Variants in SEC13 observed in about 807,000 individuals in gnomAD.
The protein encoded by SEC13 is SEC13 homolog, nuclear pore and COPII component.
Under a neutral mutation model 49.2 loss-of-function variants are expected in SEC13, and 25 were observed. That is an observed-to-expected ratio of 0.51 (90% CI 0.37 to 0.71). The LOEUF is 0.71. Ranked by LOEUF, SEC13 falls within the 30% of genes least tolerant of loss-of-function variation. SEC13 has a pLI of 0.00. For missense variants in SEC13, 383 were observed against 417.6 expected, an observed-to-expected ratio of 0.92 and a Z score of 0.72; for synonymous variants, 148 against 163.9, an observed-to-expected ratio of 0.90 and a Z score of 0.74.
chr3:10,305,965 C>T, intron 5 of SEC13: 1 of 309,258 alleles, frequency 3.2e-6, no homozygotes, highest in East Asian at 5.2e-5. Flanking sequence ...AAGAATGGTA[C>T]ATTGGAGCTT....
Position 10,313,537 on chromosome 3 carries a change from G to A in SEC13, c.165-807C>T, listed in dbSNP as rs1183879123. 1.1e-5 allele frequency: 5 copies of A among 435,720 alleles called. No homozygotes were observed. In the East Asian group the frequency reaches 2.9e-4, roughly 25 times the overall value. The allele number at this position is 435,720 out of a possible 1,614,324, so 27.0% of individuals were successfully genotyped here. ...CACTCAATACCCATTAGCTATTAGT[G>A]CTGCTCCTGGTTTACTCCTTCACCG... On this transcript the variant is annotated intron_variant, in intron 3 of 8. Coordinates refer to ENST00000350697, the MANE Select transcript of SEC13 (RefSeq NM_183352.3).
chr3:10,304,992 C>T lies in SEC13; in HGVS notation c.708+41G>A, dbSNP rs576018895. 14 of 1,613,108 alleles carry T rather than the reference C, an allele frequency of 8.7e-6. No homozygotes were observed. The highest frequency in any genetic ancestry group is 8.0e-5 in the African/African-American group (6 of 75,006). ...AGACTAAGAGCTGATGGGCCTGACT[C>T]GAGACTAAATGACAAGGGATACTCA... On this transcript the variant is annotated intron_variant, in intron 7 of 8. Coordinates refer to ENST00000350697, the MANE Select transcript of SEC13 (RefSeq NM_183352.3).
Position 10,321,012 on chromosome 3 carries a change from C to A in SEC13, c.3+38G>T. 2 of 1,609,876 alleles carry A rather than the reference C, an allele frequency of 1.2e-6. No homozygotes were observed. The highest frequency in any genetic ancestry group is 1.7e-6 in the Non-Finnish European group (2 of 1,178,546). On this transcript the variant is annotated intron_variant, in intron 1 of 8. Coordinates refer to ENST00000350697, the MANE Select transcript of SEC13 (RefSeq NM_183352.3). The surrounding 1 kb of genome is among the most constrained non-coding windows in gnomAD (Gnocchi z 4.1). The stretch of plus-strand genomic sequence containing the variant: ...GAACCCGTGAAGGCCGCGACCGTGG[C>A]CTTCACCCTGCTAGGCCTCCTCAGT...
chr3:10,312,204 T>G, intron 4 of SEC13, 106 bp from the exon 5 acceptor site: 1 of 1,455,456 alleles, frequency 6.9e-7, no homozygotes, highest in Non-Finnish European at 9.0e-7. Context: ...CAAACAACTG[T>G]AGGAGTCACC....
intron 2 of SEC13, among the ~76,000 whole-genome samples, chr3:10,315,843 G>T (rs758101054): frequency 1.3e-5 from 2 of 152,240 alleles, no homozygotes; most frequent in African/African-American, 2.4e-5. Flanking sequence ...CCTAGCACCT[G>T]ATGCTAATGC....
rs905555030 is a variant in SEC13, at chr3:10,305,711, T to G, written c.451-19A>C. 5.0e-6 allele frequency: 8 copies of G among 1,613,768 alleles called. No homozygotes were observed. The highest frequency in any genetic ancestry group is 2.7e-5 in the African/African-American group (2 of 74,912). ...AGCCAATCTGTAAAGATGGGACACA[T>G]GGTGACTCTGCCTTGCAAGAGAACA... On this transcript the variant is annotated intron_variant, in intron 5 of 8. Coordinates refer to ENST00000350697, the MANE Select transcript of SEC13 (RefSeq NM_183352.3).
chr3:10,312,368 A>G (rs1412194428), intron 4 of SEC13, among the ~76,000 whole-genome samples: 1 of 152,236 alleles, frequency 6.6e-6, no homozygotes, highest in Non-Finnish European at 1.5e-5. Context: ...AATCCTGAAG[A>G]GAAACTCACC....
Position 10,304,106 on chromosome 3 carries a change from G to A in SEC13, c.775C>T (p.His259Tyr). ...SSNTWSPKLL[H>Y]KFNDVVWHVS... ...TGCCACACCACATCGTTGAACTTGT[G>A]CAACAATTTAGGGGACCACGTATTG... is the stretch of plus-strand genomic sequence containing the variant. Residue 259 changes from histidine to tyrosine, a missense_variant, in exon 8 of 9, where the codon CAC becomes TAC. Transcript: ENST00000350697. 1.9e-6 allele frequency: 3 copies of A among 1,614,138 alleles called. No homozygotes were observed. The highest frequency in any genetic ancestry group is 2.5e-6 in the Non-Finnish European group (3 of 1,180,002).
At chr3:10,302,712 A>G (rs1172359200) in intron 8 of SEC13, among the ~76,000 whole-genome samples, 3 of 152,152 alleles carry the variant, frequency 2.0e-5, no homozygotes, top group African/African-American at 7.2e-5. Context: ...CCGCCTGCAG[A>G]GGCTCTCAAG....
intron 5 of SEC13, among the ~76,000 whole-genome samples, chr3:10,306,431 T>C (rs557790106): frequency 6.6e-6 from 1 of 152,354 alleles, no homozygotes; most frequent in East Asian, 1.9e-4. Context: ...GCACGTTAGA[T>C]TGTCTCTTAT....
At chr3:10,318,153 A>C in intron 1 of SEC13, 59 bp from the exon 2 acceptor site, 2,243 of 1,150,924 alleles carry the variant, frequency 1.9e-3, no homozygotes, top group Non-Finnish European at 2.7e-3. Flanking sequence ...CAACCATCTC[A>C]AGTTCTTGAC....
chr3:10,311,610 C>A, intron 5 of SEC13: 1 of 1,070,154 alleles, frequency 9.3e-7, no homozygotes, highest in Non-Finnish European at 1.1e-6. Context: ...ATGCATAGCT[C>A]ACATACTTTT....
chr3:10,319,688 C>A (rs1424820238), intron 1 of SEC13, among the ~76,000 whole-genome samples: 1 of 147,952 alleles, frequency 6.8e-6, no homozygotes, highest in Non-Finnish European at 1.5e-5. Flanking sequence ...TACCAAAGGA[C>A]CTTAGAAATA....
At chr3:10,308,331 T>C (rs1429537176) in intron 5 of SEC13, among the ~76,000 whole-genome samples, 1 of 152,220 alleles carries the variant, frequency 6.6e-6, no homozygotes, top group Non-Finnish European at 1.5e-5. Flanking sequence ...TCCTTTTTCT[T>C]CTTTTTTTCA....
At chr3:10,305,865 C>T (rs1700843240) in intron 5 of SEC13, 173 bp from the exon 6 acceptor site, 3 of 451,706 alleles carry the variant, frequency 6.6e-6, no homozygotes, top group Middle Eastern at 9.7e-4. Flanking sequence ...AGGATCCCAA[C>T]AGTGTGTGCA....
At chr3:10,306,702 C>G (rs1247685512) in intron 5 of SEC13, among the ~76,000 whole-genome samples, 1 of 152,144 alleles carries the variant, frequency 6.6e-6, no homozygotes. Context: ...GCAAGTCTTT[C>G]CCATGCTGTT....
chr3:10,301,171 T>G lies in SEC13; in HGVS notation c.*90A>C, dbSNP rs762690424. 11 of 1,613,846 alleles carry G rather than the reference T, an allele frequency of 6.8e-6. No individual in the cohort carries two copies. The highest frequency in any genetic ancestry group is 9.3e-6 in the Non-Finnish European group (11 of 1,179,852). The stretch of plus-strand genomic sequence containing the variant: ...TCCTGGGAAAATAATCCTGTTGGAG[T>G]TGGGGGCTCTTCCCAGTTGTCTGGT... On this transcript the variant is annotated 3_prime_UTR_variant, in exon 9 of 9. Transcript: ENST00000350697.
At chr3:10,314,168 G>A (rs1701460280) in intron 3 of SEC13, among the ~76,000 whole-genome samples, 1 of 152,100 alleles carries the variant, frequency 6.6e-6, no homozygotes, top group South Asian at 2.1e-4. Flanking sequence ...AGGCTGCAGT[G>A]CAGTGGCACC....
intron 2 of SEC13, 98 bp downstream of exon 2, chr3:10,317,952 T>C (rs1344242020): frequency 1.3e-6 from 1 of 782,522 alleles, no homozygotes; most frequent in African/African-American, 1.7e-5. Flanking sequence ...GATCCATGAA[T>C]GATCAACAGA....
Sources: allele counts gnomAD v4.1 joint callset (sites outside exome capture counted in the v4.1 genomes callset), GRCh38; gene constraint gnomAD v4.1.1; non-coding constraint Gnocchi (gnomAD v3.1); transcripts MANE v1.5; gene names NCBI Gene and HGNC (gene_info 2026-07-23, HGNC 2026-07-21).